SYNPR: variants seen among roughly 807,000 people sequenced by gnomAD.
SYNPR encodes the protein synaptoporin.
A neutral mutation model predicts 32.9 loss-of-function variants in SYNPR; 23 were observed. That is an observed-to-expected ratio of 0.70 (90% confidence interval 0.50 to 0.99). The LOEUF is 0.99. Among genes scored for constraint, SYNPR ranks in the 50% least tolerant of loss-of-function variants. The pLI is 0.00. For synonymous variants in SYNPR, 146 were observed against 135.9 expected (o/e 1.07, Z -0.52); for missense variants, 318 against 349.3 (o/e 0.91, Z 0.71).
At chr3:63,268,034 A>G (rs13093817) in intron 3 of SYNPR, among the ~76,000 whole-genome samples, 2,154 of 152,352 alleles carry the variant, frequency 0.014, 19 homozygotes, top group Non-Finnish European at 0.02. Context: ...TCACTTGAAT[A>G]TTCATTGTTT....
intron 2 of SYNPR, among the ~76,000 whole-genome samples, chr3:63,262,018 T>C (rs1168931955): frequency 6.4e-5 from 5 of 78,326 alleles, no homozygotes; most frequent in Non-Finnish European, 1.2e-4. Context: ...CCTAAAACTT[T>C]AAGTATAATA....
chr3:63,371,497 C>T (rs2087811784), intron 2 of SYNPR, among the ~76,000 whole-genome samples: 1 of 152,238 alleles, frequency 6.6e-6, no homozygotes, highest in South Asian at 2.1e-4. Flanking sequence ...CCACCTACTG[C>T]CTGGGCTTTC....
At chr3:63,237,477 G>C (rs566218012) in intron 1 of SYNPR, among the ~76,000 whole-genome samples, 2 of 151,822 alleles carry the variant, frequency 1.3e-5, no homozygotes, top group Non-Finnish European at 2.9e-5. Flanking sequence ...TTGTTACAGC[G>C]TTCTTATGAT....
At chr3:63,327,133 T>C (rs2106977161) in intron 2 of SYNPR, among the ~76,000 whole-genome samples, 1 of 152,210 alleles carries the variant, frequency 6.6e-6, no homozygotes, top group Non-Finnish European at 1.5e-5. Context: ...GGGAAATAGT[T>C]ATTGGCAATG....
At chr3:63,546,327 A>G (rs1702401255) in intron 3 of SYNPR, among the ~76,000 whole-genome samples, 1 of 152,110 alleles carries the variant, frequency 6.6e-6, no homozygotes, top group South Asian at 2.1e-4. Context: ...TAATCACCTT[A>G]GAGTCCACAG....
intron 2 of SYNPR, among the ~76,000 whole-genome samples, chr3:63,311,179 T>C (rs1033317456): frequency 1.3e-5 from 2 of 151,912 alleles, no homozygotes; most frequent in Non-Finnish European, 2.9e-5. Context: ...CCCTTTAATA[T>C]CTCAATATAA....
At chr3:63,585,675 C>A (rs1339191511) in intron 4 of SYNPR, among the ~76,000 whole-genome samples, 1 of 151,992 alleles carries the variant, frequency 6.6e-6, no homozygotes, top group Non-Finnish European at 1.5e-5. Context: ...TGGACAAGAA[C>A]AAAAGGGGAG....
intron 3 of SYNPR, among the ~76,000 whole-genome samples, chr3:63,541,589 A>G (rs1702304593): frequency 6.6e-6 from 1 of 152,204 alleles, no homozygotes; most frequent in African/African-American, 2.4e-5. Context: ...TAAAGGAGCC[A>G]ATCTATTGCG....
At chr3:63,534,848 A>T (rs1364835471) in intron 3 of SYNPR, among the ~76,000 whole-genome samples, 1 of 152,150 alleles carries the variant, frequency 6.6e-6, no homozygotes, top group Non-Finnish European at 1.5e-5. Context: ...ATAGAGTGAG[A>T]ACTCACTCAT....
chr3:63,495,805 A>C (rs573059524), intron 3 of SYNPR, among the ~76,000 whole-genome samples: 2 of 152,210 alleles, frequency 1.3e-5, no homozygotes, highest in East Asian at 3.9e-4. Context: ...TGGGGTGTGG[A>C]AGGAATGAAT....
At chr3:63,467,178 C>A (rs74891817) in intron 2 of SYNPR, among the ~76,000 whole-genome samples, 1 of 151,844 alleles carries the variant, frequency 6.6e-6, no homozygotes, top group Non-Finnish European at 1.5e-5. Context: ...GCTGAGCTAA[C>A]TTACTTTATT....
chr3:63,581,800 A>T (rs542681920), intron 4 of SYNPR, among the ~76,000 whole-genome samples: 4 of 152,224 alleles, frequency 2.6e-5, no homozygotes, highest in African/African-American at 9.6e-5. Context: ...TTACAAAAAA[A>T]AAAATTAAAA....
chr3:63,507,521 G>A (rs1701612864), intron 3 of SYNPR, among the ~76,000 whole-genome samples: 1 of 152,154 alleles, frequency 6.6e-6, no homozygotes, highest in Non-Finnish European at 1.5e-5. Flanking sequence ...AAAAGACTGG[G>A]GGAAATTAGG....
chr3:63,316,607 T>A (rs1331239107), intron 2 of SYNPR, among the ~76,000 whole-genome samples: 1 of 152,034 alleles, frequency 6.6e-6, no homozygotes, highest in Non-Finnish European at 1.5e-5. Flanking sequence ...TTAGTGAGGT[T>A]ATTTGGATTT....
intron 2 of SYNPR, among the ~76,000 whole-genome samples, chr3:63,316,471 A>AT (rs1398881779): frequency 1.3e-5 from 2 of 151,650 alleles, no homozygotes; most frequent in Non-Finnish European, 2.9e-5. Flanking sequence ...GGAGGGCTGT[A>AT]TTTTTCCAGG....
intron 2 of SYNPR, among the ~76,000 whole-genome samples, chr3:63,335,828 G>T (rs1273986226): frequency 7.0e-6 from 1 of 142,576 alleles, no homozygotes; most frequent in African/African-American, 2.6e-5. Flanking sequence ...GGCTGGAGTG[G>T]TGCAATGGTG....
At chr3:63,442,376 T>C (rs1700195465) in intron 2 of SYNPR, among the ~76,000 whole-genome samples, 1 of 151,970 alleles carries the variant, frequency 6.6e-6, no homozygotes, top group Non-Finnish European at 1.5e-5. Context: ...CCGCACCGAG[T>C]GGGGACCCAA....
At chr3:63,349,491 C>A (rs1233403846) in intron 2 of SYNPR, among the ~76,000 whole-genome samples, 1 of 152,128 alleles carries the variant, frequency 6.6e-6, no homozygotes, top group Non-Finnish European at 1.5e-5. Flanking sequence ...AAAATTATTT[C>A]TTTTATAATT....
At chr3:63,268,118 G>A (rs996024307) in intron 3 of SYNPR, among the ~76,000 whole-genome samples, 1 of 152,132 alleles carries the variant, frequency 6.6e-6, no homozygotes, top group Non-Finnish European at 1.5e-5. Context: ...ATGATTCTGT[G>A]TGCCAAGGTG....
Sources: allele counts gnomAD v4.1 joint callset (sites outside exome capture counted in the v4.1 genomes callset), GRCh38; gene constraint gnomAD v4.1.1; transcripts MANE v1.5; gene names NCBI Gene and HGNC (gene_info 2026-07-23, HGNC 2026-07-21).